PRICKLE2: variants seen among roughly 807,000 people sequenced by gnomAD.
PRICKLE2 encodes the protein prickle-like protein 2.
Under a neutral mutation model 81.4 loss-of-function variants are expected in PRICKLE2, and 21 were observed. The observed-to-expected ratio is 0.26, with a 90% CI of 0.18 to 0.37. The LOEUF is 0.37. Among genes scored for constraint, PRICKLE2 ranks in the 10% least tolerant of loss-of-function variants. The pLI is 1.00. For synonymous variants in PRICKLE2, 456 were observed against 421.5 expected, an observed-to-expected ratio of 1.08 and a Z score of -1.00; for missense variants, 940 against 1,109.0, an observed-to-expected ratio of 0.85 and a Z score of 2.16.
upstream of PRICKLE2, among the ~76,000 whole-genome samples, chr3:64,228,257 G>A (rs1433961936): frequency 6.6e-6 from 1 of 152,194 alleles, no homozygotes; most frequent in Non-Finnish European, 1.5e-5. Context: ...GGCAATCAGA[G>A]AGAAGACAAT....
chr3:64,195,317 C>T (rs1269771233), intron 2 of PRICKLE2, among the ~76,000 whole-genome samples: 1 of 152,094 alleles, frequency 6.6e-6, no homozygotes, highest in South Asian at 2.1e-4. Flanking sequence ...ATTAAATGTC[C>T]GTATTCGAGA....
intron 1 of PRICKLE2, among the ~76,000 whole-genome samples, chr3:64,205,738 C>T (rs565541404): frequency 6.6e-6 from 1 of 152,254 alleles, no homozygotes; most frequent in South Asian, 2.1e-4. Flanking sequence ...TTTATTCCCC[C>T]CCGCTTCTTA....
At chr3:64,249,901 T>G (rs2079421018) in intron 2 of PRICKLE2, among the ~76,000 whole-genome samples, 1 of 152,238 alleles carries the variant, frequency 6.6e-6, no homozygotes, top group Non-Finnish European at 1.5e-5. Context: ...ATATCAATAT[T>G]GCTTTCACAT....
intron 1 of PRICKLE2, among the ~76,000 whole-genome samples, chr3:64,204,819 A>C (rs888548517): frequency 1.3e-5 from 2 of 152,110 alleles, no homozygotes; most frequent in African/African-American, 4.8e-5. Context: ...GTAATGGCTA[A>C]TTTAATAACC....
At chr3:64,207,143 T>C (rs1559579268) in intron 1 of PRICKLE2, among the ~76,000 whole-genome samples, 1 of 152,160 alleles carries the variant, frequency 6.6e-6, no homozygotes, top group African/African-American at 2.4e-5. Context: ...CAAGCAATCC[T>C]CCTGACTCAG....
intron 2 of PRICKLE2, among the ~76,000 whole-genome samples, chr3:64,258,413 G>A (rs1203692771): frequency 6.6e-6 from 1 of 152,168 alleles, no homozygotes; most frequent in Admixed American, 6.5e-5. Context: ...CTATACACAA[G>A]AAAACAATTG....
chr3:64,202,384 A>T (rs1317398245), intron 1 of PRICKLE2, among the ~76,000 whole-genome samples: 1 of 152,212 alleles, frequency 6.6e-6, no homozygotes, highest in Non-Finnish European at 1.5e-5. Context: ...CTGCCAATCC[A>T]TGAACACAGG....
chr3:64,158,498 G>C (rs963736330), intron 4 of PRICKLE2, among the ~76,000 whole-genome samples: 14 of 152,192 alleles, frequency 9.2e-5, no homozygotes, highest in African/African-American at 3.1e-4. Flanking sequence ...AAGTAACACG[G>C]TCAAGGTCAT....
At chr3:64,256,376 T>A (rs930462189) in intron 2 of PRICKLE2, among the ~76,000 whole-genome samples, 1 of 152,236 alleles carries the variant, frequency 6.6e-6, no homozygotes, top group Admixed American at 6.5e-5. Flanking sequence ...ATTATTATCA[T>A]TGTATTTTAA....
intron 1 of PRICKLE2, among the ~76,000 whole-genome samples, chr3:64,214,141 G>A (rs533643143): frequency 4.6e-5 from 7 of 152,294 alleles, no homozygotes; most frequent in South Asian, 4.1e-4. Context: ...AGCTGGCAGC[G>A]GAATCCCTCA....
intron 6 of PRICKLE2, among the ~76,000 whole-genome samples, chr3:64,148,127 G>A (rs2077487808): frequency 6.6e-6 from 1 of 152,196 alleles, no homozygotes; most frequent in Non-Finnish European, 1.5e-5. Context: ...AGGCAGATGA[G>A]GCTAAGTAAC....
At chr3:64,152,771 C>T (rs1371205178) in intron 6 of PRICKLE2, among the ~76,000 whole-genome samples, 2 of 152,108 alleles carry the variant, frequency 1.3e-5, no homozygotes, top group East Asian at 3.9e-4. Flanking sequence ...TGGAGGTGGG[C>T]CCTTGACCAA....
intron 7 of PRICKLE2, among the ~76,000 whole-genome samples, chr3:64,105,491 C>G (rs1009458144): frequency 6.6e-6 from 1 of 152,170 alleles, no homozygotes; most frequent in Non-Finnish European, 1.5e-5. Flanking sequence ...ACCCTCCAAC[C>G]TGGAGTGGGT....
intron 2 of PRICKLE2, among the ~76,000 whole-genome samples, chr3:64,181,582 C>G (rs140155396): frequency 1.2e-4 from 18 of 152,068 alleles, no homozygotes; most frequent in African/African-American, 4.3e-4. Context: ...CAGATCCTTT[C>G]GGAAACTAGG....
chr3:64,259,567 C>A (rs2079585930), intron 2 of PRICKLE2, among the ~76,000 whole-genome samples: 1 of 152,164 alleles, frequency 6.6e-6, no homozygotes, highest in Non-Finnish European at 1.5e-5. Flanking sequence ...TCCCCAGAAC[C>A]TGAAAATCAT....
At chr3:64,250,602 TA>T (rs903743461) in intron 2 of PRICKLE2, among the ~76,000 whole-genome samples, 1 of 152,132 alleles carries the variant, frequency 6.6e-6, no homozygotes, top group East Asian at 1.9e-4. Flanking sequence ...ATAAGAACAT[TA>T]AAAGAGTTAG....
At chr3:64,105,782 C>T (rs528473396) in intron 7 of PRICKLE2, 15 of 152,350 alleles carry the variant, frequency 9.8e-5, no homozygotes, top group African/African-American at 3.6e-4. Flanking sequence ...TTGAGAAGCA[C>T]TCCTTTCCCC....
chr3:64,220,108 C>A (rs2078928891), intron 1 of PRICKLE2, among the ~76,000 whole-genome samples: 1 of 152,184 alleles, frequency 6.6e-6, no homozygotes, highest in Admixed American at 6.5e-5. Flanking sequence ...TACCTTAAAA[C>A]CTTACCAGAT....
intron 2 of PRICKLE2, among the ~76,000 whole-genome samples, chr3:64,241,325 T>C (rs1240541828): frequency 6.6e-6 from 1 of 152,186 alleles, no homozygotes; most frequent in East Asian, 1.9e-4. Context: ...GGACACATTC[T>C]ACACTTTTCC....
Sources: gnomAD v4.1 joint callset for allele counts (sites outside exome capture counted in the v4.1 genomes callset) on GRCh38, gnomAD v4.1.1 for gene constraint, MANE v1.5 for transcripts, NCBI Gene and HGNC (gene_info 2026-07-23, HGNC 2026-07-21) for gene names.